RAD51B: variants seen among roughly 807,000 people sequenced by gnomAD.
The protein encoded by RAD51B is DNA repair protein RAD51 homolog 2.
RAD51B carries 38 observed loss-of-function variants against 42.2 expected under a neutral mutation model. The ratio of observed to expected loss-of-function variants is 0.90; its 90% CI spans 0.70 to 1.18. The LOEUF is 1.18. RAD51B is among the 50% of genes most tolerant of loss of function. RAD51B has a pLI of 0.00. For synonymous variants in RAD51B, 154 were observed against 145.2 expected (o/e 1.06, Z -0.43); for missense variants, 373 against 400.7 (o/e 0.93, Z 0.59).
chr14:68,387,763 C>T (rs1331421918), intron 8 of RAD51B, among the ~76,000 whole-genome samples: 1 of 152,154 alleles, frequency 6.6e-6, no homozygotes, highest in Non-Finnish European at 1.5e-5. Context: ...CTCTTACACA[C>T]ACACTCTACC....
chr14:67,827,585 A>G (rs1282602956), intron 3 of RAD51B, among the ~76,000 whole-genome samples: 2 of 152,074 alleles, frequency 1.3e-5, no homozygotes, highest in African/African-American at 4.8e-5. Context: ...TCACCTAGGT[A>G]TTAAGCTCAG....
intron 10 of RAD51B, among the ~76,000 whole-genome samples, chr14:68,532,120 A>C (rs919067198): frequency 2.0e-5 from 3 of 152,262 alleles, no homozygotes; most frequent in Non-Finnish European, 4.4e-5. Context: ...TTGTTAACTT[A>C]TAGAGATATT....
In RAD51B at chr14:68,158,498, G is replaced by A. The variant is rs575989176; in HGVS notation, c.757-133386G>A. Reference sequence around the variant, plus strand: ...TTAGGTAAGCTGAACCAACTAAAGAGTGGCCTTATGTGAATCTACAAAGTG... The same window carrying A: ...TTAGGTAAGCTGAACCAACTAAAGAATGGCCTTATGTGAATCTACAAAGTG... On this transcript the variant is annotated intron_variant, in intron 7 of 10. Transcript: ENST00000471583. Among the ~76,000 whole-genome samples, 155 of 152,314 alleles carry A rather than the reference G, an allele frequency of 1.0e-3. 1 individual carries two copies. The highest frequency in any genetic ancestry group is 3.6e-3 in the African/African-American group (148 of 41,560).
intron 7 of RAD51B, among the ~76,000 whole-genome samples, chr14:68,220,915 G>A (rs1157664046): frequency 1.3e-5 from 2 of 151,918 alleles, no homozygotes; most frequent in Admixed American, 6.6e-5. Context: ...GGCAGATCAC[G>A]AGGTCAGGAG....
At chr14:68,150,071 A>G (rs1045324341) in intron 7 of RAD51B, among the ~76,000 whole-genome samples, 6 of 152,056 alleles carry the variant, frequency 3.9e-5, no homozygotes, top group Non-Finnish European at 5.9e-5. Flanking sequence ...CAGCCTCCCA[A>G]GTAGTTGGGA....
At chr14:68,592,253 ATGTGTGTGTGTG>A (rs55833641) in intron 10 of RAD51B, among the ~76,000 whole-genome samples, 2 of 140,066 alleles carry the variant, frequency 1.4e-5, no homozygotes, top group Middle Eastern at 3.6e-3. Flanking sequence ...GTAGGCAATG[ATGTGTGTGTGTG>A]TGTGTGTGTG....
chr14:67,938,254 T>C (rs2045029392), intron 7 of RAD51B, among the ~76,000 whole-genome samples: 1 of 152,220 alleles, frequency 6.6e-6, no homozygotes, highest in African/African-American at 2.4e-5. Flanking sequence ...TGTTGATGTC[T>C]TGTGACTGGC....
intron 8 of RAD51B, among the ~76,000 whole-genome samples, chr14:68,338,303 C>T (rs2082499318): frequency 6.6e-6 from 1 of 151,984 alleles, no homozygotes; most frequent in Non-Finnish European, 1.5e-5. Flanking sequence ...CTGCCTGGCT[C>T]CCTTCAGGGG....
At chr14:67,886,377 A>G (rs1417597429) in intron 6 of RAD51B, among the ~76,000 whole-genome samples, 2 of 152,136 alleles carry the variant, frequency 1.3e-5, no homozygotes, top group Non-Finnish European at 2.9e-5. Flanking sequence ...GCTGGTGGCC[A>G]GGGCTGCAGT....
intron 11 of RAD51B, among the ~76,000 whole-genome samples, chr14:68,660,453 A>G (rs1056959497): frequency 2.0e-5 from 3 of 152,218 alleles, no homozygotes; most frequent in Admixed American, 6.5e-5. Flanking sequence ...GGCATCTACT[A>G]TCTCCCCAAA....
chr14:68,272,975 C>T (rs1463993036), intron 7 of RAD51B, among the ~76,000 whole-genome samples: 58 of 151,824 alleles, frequency 3.8e-4, no homozygotes, highest in South Asian at 2.1e-4. Context: ...TGAGCCACTG[C>T]GCCTGGCCCA....
chr14:68,478,190 G>A (rs1882873330), downstream of RAD51B: 4 of 1,013,694 alleles, frequency 3.9e-6, no homozygotes, highest in Non-Finnish European at 3.5e-6. Context: ...GCGGGCATGG[G>A]CAAGGGGGTC....
intron 7 of RAD51B, among the ~76,000 whole-genome samples, chr14:68,208,495 C>T (rs1439588090): frequency 2.0e-5 from 3 of 152,148 alleles, no homozygotes; most frequent in South Asian, 4.1e-4. Context: ...GGATCATGTC[C>T]GTGTGACCTT....
intron 7 of RAD51B, among the ~76,000 whole-genome samples, chr14:68,146,233 T>C (rs755203847): frequency 2.4e-4 from 37 of 152,186 alleles, no homozygotes; most frequent in Non-Finnish European, 5.1e-4. Flanking sequence ...GCGGAATGCC[T>C]GAGCTCAGGA....
intron 7 of RAD51B, among the ~76,000 whole-genome samples, chr14:68,013,837 A>G (rs1250539929): frequency 6.6e-6 from 1 of 152,212 alleles, no homozygotes; most frequent in African/African-American, 2.4e-5. Context: ...TCAGGCATCC[A>G]GGAGCTCATC....
chr14:68,351,049 G>T (rs944443602), intron 8 of RAD51B, among the ~76,000 whole-genome samples: 12 of 152,160 alleles, frequency 7.9e-5, no homozygotes, highest in Admixed American at 7.9e-4. Flanking sequence ...CTTGTAGAAG[G>T]TACTGCCCTA....
At chr14:67,825,773 A>G (rs552260952) in intron 3 of RAD51B, among the ~76,000 whole-genome samples, 196 bp downstream of exon 3, 1 of 152,234 alleles carries the variant, frequency 6.6e-6, no homozygotes, top group South Asian at 2.1e-4. Context: ...TCTGTTGCCC[A>G]GGCTGGAGGG....
At chr14:68,036,786 C>T (rs560673555) in intron 7 of RAD51B, among the ~76,000 whole-genome samples, 20 of 151,894 alleles carry the variant, frequency 1.3e-4, no homozygotes, top group East Asian at 7.7e-4. Flanking sequence ...TTGCAAAAAT[C>T]GATTAAATTT....
At chr14:68,584,930 C>T (rs999878201) in intron 10 of RAD51B, among the ~76,000 whole-genome samples, 5 of 152,264 alleles carry the variant, frequency 3.3e-5, no homozygotes, top group African/African-American at 9.6e-5. Context: ...CCAGGCAGAG[C>T]CCTCAGGGTT....
Sources: allele counts gnomAD v4.1 joint callset (sites outside exome capture counted in the v4.1 genomes callset), GRCh38; gene constraint gnomAD v4.1.1; transcripts MANE v1.5; gene names NCBI Gene and HGNC (gene_info 2026-07-23, HGNC 2026-07-21).